PDE12: variants seen among roughly 807,000 people sequenced by gnomAD.
The protein encoded by PDE12 is phosphodiesterase 12, also known as 2',5'-phosphodiesterase 12.
PDE12 carries 26 observed loss-of-function variants against 45.4 expected under a neutral mutation model. The observed-to-expected ratio is 0.57, with a 90% CI of 0.42 to 0.79. The LOEUF (loss-of-function observed/expected upper bound fraction) is 0.79, where lower values mean the gene tolerates loss of function less well. Ranked by LOEUF, PDE12 falls within the 30% of genes least tolerant of loss-of-function variation. The probability of loss-of-function intolerance (pLI) is 0.00; values close to 1 mark genes in which losing one functional copy is unlikely to be tolerated. For missense variants in PDE12, 668 were observed against 790.0 expected, an observed-to-expected ratio of 0.85 and a Z score of 1.85; for synonymous variants, 283 against 323.9, an observed-to-expected ratio of 0.87 and a Z score of 1.36.
the PDE12 span, among the ~76,000 whole-genome samples, chr3:57,604,488 A>G: frequency 6.6e-6 from 1 of 151,994 alleles, no homozygotes; most frequent in Non-Finnish European, 1.5e-5. Flanking sequence ...AAAGCTGGGC[A>G]TGGTGGCCCA....
the PDE12 span, among the ~76,000 whole-genome samples, chr3:57,633,963 A>T: frequency 2.0e-5 from 3 of 151,696 alleles, no homozygotes; most frequent in African/African-American, 4.8e-5. Context: ...TATTTACATT[A>T]AAAAAAATGG....
chr3:57,615,445 C>T, the PDE12 span, among the ~76,000 whole-genome samples: 1 of 152,016 alleles, frequency 6.6e-6, no homozygotes, highest in African/African-American at 2.4e-5. Context: ...TCAACTTCTA[C>T]CTTGAGTAAC....
the PDE12 span, among the ~76,000 whole-genome samples, chr3:57,583,283 G>A: frequency 2.0e-5 from 3 of 152,090 alleles, no homozygotes; most frequent in African/African-American, 7.2e-5. Flanking sequence ...ACTGTACCTG[G>A]ATTATATCCC....
chr3:57,650,437 C>CAG, the PDE12 span, among the ~76,000 whole-genome samples: 1 of 150,060 alleles, frequency 6.7e-6, no homozygotes, highest in Non-Finnish European at 1.5e-5. Flanking sequence ...CACACACACA[C>CAG]ACACACACAT....
the PDE12 span, among the ~76,000 whole-genome samples, chr3:57,612,114 C>A: frequency 1.3e-5 from 2 of 151,676 alleles, no homozygotes; most frequent in African/African-American, 4.9e-5. Flanking sequence ...AGCTGGAAAC[C>A]ATCATTCTCA....
downstream of PDE12, among the ~76,000 whole-genome samples, chr3:57,570,965 A>AC (rs2069835912): frequency 7.6e-6 from 1 of 131,124 alleles, no homozygotes; most frequent in African/African-American, 2.9e-5. Context: ...GCCCCTCCCC[A>AC]CCCCCCACCT....
the PDE12 span, among the ~76,000 whole-genome samples, chr3:57,591,063 G>C: frequency 6.6e-6 from 1 of 152,022 alleles, no homozygotes; most frequent in African/African-American, 2.4e-5. Context: ...AGAAACAGAA[G>C]AACAGATATT....
chr3:57,622,322 G>C, the PDE12 span, among the ~76,000 whole-genome samples: 1 of 152,174 alleles, frequency 6.6e-6, no homozygotes, highest in African/African-American at 2.4e-5. Context: ...CACATGAAAA[G>C]ATGCTCAGCA....
At chr3:57,578,604 C>G in the PDE12 span, among the ~76,000 whole-genome samples, 2 of 151,990 alleles carry the variant, frequency 1.3e-5, no homozygotes, top group African/African-American at 4.8e-5. Context: ...CTCAGCCTCC[C>G]AAGTAGCTGG....
At chr3:57,574,639 T>A in the PDE12 span, among the ~76,000 whole-genome samples, 1 of 152,094 alleles carries the variant, frequency 6.6e-6, no homozygotes, top group Admixed American at 6.5e-5. Flanking sequence ...ACTCCTGGCC[T>A]CAAGCAATCC....
chr3:57,621,746 A>G, the PDE12 span, among the ~76,000 whole-genome samples: 6 of 152,144 alleles, frequency 3.9e-5, no homozygotes, highest in Non-Finnish European at 7.4e-5. Flanking sequence ...GAACAAATTC[A>G]TAAGTAGAAC....
At chr3:57,602,857 C>T in the PDE12 span, among the ~76,000 whole-genome samples, 3 of 152,170 alleles carry the variant, frequency 2.0e-5, no homozygotes, top group African/African-American at 7.2e-5. Flanking sequence ...AGGCGTGAGC[C>T]ACCACGTCCG....
At chr3:57,654,966 T>C in the PDE12 span, 6 of 232,546 alleles carry the variant, frequency 2.6e-5, no homozygotes, top group Non-Finnish European at 4.2e-5. Flanking sequence ...TATTAAATGC[T>C]TGATATAATA....
chr3:57,571,669 T>A (rs534079372), downstream of PDE12: 11 of 152,842 alleles, frequency 7.2e-5, no homozygotes, highest in African/African-American at 2.7e-4. Context: ...AAGGTTAAGT[T>A]TGGCTGATGT....
chr3:57,595,304 A>G, the PDE12 span, among the ~76,000 whole-genome samples: 2 of 152,244 alleles, frequency 1.3e-5, no homozygotes, highest in Non-Finnish European at 2.9e-5. Context: ...GTGTTCTGGA[A>G]CATAACCATA....
chr3:57,586,373 A>C, the PDE12 span, among the ~76,000 whole-genome samples: 4 of 152,226 alleles, frequency 2.6e-5, no homozygotes, highest in Admixed American at 6.5e-5. Flanking sequence ...TCACTTATCT[A>C]ATTTACATTC....
At chr3:57,637,419 T>C in the PDE12 span, among the ~76,000 whole-genome samples, 139 of 152,330 alleles carry the variant, frequency 9.1e-4, no homozygotes, top group African/African-American at 2.6e-3. Context: ...ACACTAAATA[T>C]ATGTTTCTGG....
the PDE12 span, among the ~76,000 whole-genome samples, chr3:57,644,828 C>A: frequency 9.6e-6 from 1 of 103,874 alleles, no homozygotes; most frequent in South Asian, 3.6e-4. Context: ...GGGGGAAAGA[C>A]AGAAAGAAAA....
chr3:57,629,014 T>C, the PDE12 span: 1 of 641,148 alleles, frequency 1.6e-6, no homozygotes, highest in East Asian at 2.8e-5. Context: ...AACCCAGATA[T>C]AGCATTATAG....
Sources: allele counts gnomAD v4.1 joint callset (sites outside exome capture counted in the v4.1 genomes callset), GRCh38; gene constraint gnomAD v4.1.1; transcripts MANE v1.5; gene names NCBI Gene and HGNC (gene_info 2026-07-23, HGNC 2026-07-21).